ERCC5: variants seen among roughly 807,000 people sequenced by gnomAD.
The protein encoded by ERCC5 is ERCC excision repair 5, endonuclease, also known as DNA excision repair protein ERCC-5.
ERCC5 carries 68 observed loss-of-function variants against 105.6 expected under a neutral mutation model. That is an observed-to-expected ratio of 0.64 (90% CI 0.53 to 0.79). The LOEUF (loss-of-function observed/expected upper bound fraction) is 0.79, where lower values mean the gene tolerates loss of function less well. Ranked by LOEUF, ERCC5 falls within the 30% of genes least tolerant of loss-of-function variation. The pLI is 0.00. For missense variants in ERCC5, 1,373 were observed against 1,426.7 expected, an observed-to-expected ratio of 0.96 and a Z score of 0.61; for synonymous variants, 546 against 526.2, an observed-to-expected ratio of 1.04 and a Z score of -0.51.
In ERCC5 at chr13:102,849,710, C is replaced by T. The variant is rs374784020; in HGVS notation, c.89-2408C>T. 4.6e-5 allele frequency among the ~76,000 whole-genome samples: 7 copies of T among 152,030 alleles called. No individual in the cohort carries two copies. The South Asian group carries it at 1.2e-3, about 27-fold the overall frequency. On this transcript the variant is annotated intron_variant, in intron 1 of 14. Coordinates refer to ENST00000652225, the MANE Select transcript of ERCC5 (RefSeq NM_000123.4). ...AAGGGAGTGCAGTGCACAAATTGCC[C>T]GGGCAAGCCATGGAGCACACAGGCT...
chr13:102,849,943 T>TC (rs1555325184), intron 1 of ERCC5, among the ~76,000 whole-genome samples: 6 of 151,064 alleles, frequency 4.0e-5, no homozygotes, highest in East Asian at 2.0e-4. Context: ...GTTTTTTTTT[T>TC]CTTTTTGTTT....
At chr13:102,863,889 C>T (rs1469733531) in intron 8 of ERCC5, among the ~76,000 whole-genome samples, 3 of 152,116 alleles carry the variant, frequency 2.0e-5, no homozygotes, top group African/African-American at 7.2e-5. Flanking sequence ...CAGCTTCACA[C>T]AGGTCACTAA....
At chr13:102,866,943 G>A (rs1277805163) in intron 11 of ERCC5, 98 bp downstream of exon 11, 3 of 1,342,268 alleles carry the variant, frequency 2.2e-6, no homozygotes, top group African/African-American at 2.9e-5. Context: ...ATGCATTGAT[G>A]GAAATTGCAG....
chr13:102,875,914 T>C lies in ERCC5; in HGVS notation c.*11T>C, dbSNP rs961592673. On this transcript the variant is annotated 3_prime_UTR_variant, in exon 15 of 15. Coordinates refer to ENST00000652225, the MANE Select transcript of ERCC5 (RefSeq NM_000123.4). ...AAAAGGAAAACCTAATTAAAAAATA[T>C]GTATCCTCTATAATTAGTTATGACA... is the stretch of plus-strand genomic sequence containing the variant. 2 of 1,601,680 alleles carry C rather than the reference T, an allele frequency of 1.2e-6. No homozygotes were observed. The highest frequency in any genetic ancestry group is 8.5e-7 in the Non-Finnish European group (1 of 1,179,216).
chr13:102,860,054 C>T (rs1882564953), intron 6 of ERCC5, among the ~76,000 whole-genome samples: 1 of 152,172 alleles, frequency 6.6e-6, no homozygotes, highest in Admixed American at 6.5e-5. Flanking sequence ...TGCTTCCTGC[C>T]TGTTAATCAC....
At chr13:102,853,247 C>T (rs1431358368) in intron 2 of ERCC5, among the ~76,000 whole-genome samples, 2 of 152,154 alleles carry the variant, frequency 1.3e-5, no homozygotes, top group Non-Finnish European at 2.9e-5. Flanking sequence ...ATCCGATATT[C>T]AGCCATAAGC....
At chr13:102,860,759 C>T (rs1882588520) in intron 6 of ERCC5, among the ~76,000 whole-genome samples, 1 of 151,980 alleles carries the variant, frequency 6.6e-6, no homozygotes, top group Non-Finnish European at 1.5e-5. Flanking sequence ...AGAAAAATGC[C>T]CTCCATGGGA....
intron 12 of ERCC5, among the ~76,000 whole-genome samples, chr13:102,871,571 A>G (rs1054812788): frequency 7.9e-5 from 12 of 151,732 alleles, no homozygotes; most frequent in African/African-American, 2.2e-4. Context: ...GTAGAGTTCT[A>G]TTATCTCTGT....
chr13:102,853,648 C>T (rs2140518653), intron 2 of ERCC5, 109 bp from the exon 3 acceptor site: 5 of 1,077,520 alleles, frequency 4.6e-6, no homozygotes, highest in African/African-American at 1.6e-5. Flanking sequence ...GCTAAAGCAG[C>T]CATAGTCTGA....
rs1378383413 is a variant in ERCC5, at chr13:102,875,882, G to A, written c.3540G>A (p.Arg1180=). 1.9e-6 allele frequency: 3 copies of A among 1,609,160 alleles called. No homozygotes were observed. In the African/African-American group the frequency reaches 4.0e-5, roughly 21 times the overall value. The change falls in exon 15 of 15, where the codon AGG becomes AGA. Residue 1180 remains arginine, a synonymous_variant. Transcript: ENST00000652225. ...AAAGAAGGAAACTAAGACGTGCGAG[G>A]GGAAGAAAAAGGAAAACCTAATTAA... ...GKKRRKLRRA[R]GRKRKT is the part of the protein sequence containing the mutation.
chr13:102,847,250 C>T (rs546695045), intron 1 of ERCC5, among the ~76,000 whole-genome samples: 1 of 150,484 alleles, frequency 6.6e-6, no homozygotes, highest in Admixed American at 6.6e-5. Flanking sequence ...ATTAGCAAAA[C>T]GTGATACTGC....
At chr13:102,856,671 G>A (rs1028583048) in intron 5 of ERCC5, among the ~76,000 whole-genome samples, 25 of 152,214 alleles carry the variant, frequency 1.6e-4, no homozygotes, top group African/African-American at 6.0e-4. Flanking sequence ...GTTCTCTCTG[G>A]GGTCTCTTGT....
At chr13:102,866,433 G>T (rs1168854768) in intron 10 of ERCC5, 52 bp downstream of exon 10, 2 of 1,613,694 alleles carry the variant, frequency 1.2e-6, no homozygotes, top group African/African-American at 1.3e-5. Context: ...GACCCCTGGG[G>T]GAATGCACTG....
intron 6 of ERCC5, among the ~76,000 whole-genome samples, chr13:102,860,986 ATTTTTTT>A (rs11361768): frequency 1.9e-5 from 2 of 107,392 alleles, no homozygotes; most frequent in Non-Finnish European, 4.0e-5. Context: ...AGTATTCATG[ATTTTTTT>A]TTTTTTTTTT....
In ERCC5 at chr13:102,862,220, A is replaced by G. The variant is rs1331255666; in HGVS notation, c.1071A>G (p.Ser357=). 1.9e-6 allele frequency: 3 copies of G among 1,614,184 alleles called. No individual in the cohort carries two copies. Among genetic ancestry groups the G allele is most frequent in the Non-Finnish European group, 2.5e-6 (3 of 1,180,034 alleles). Residue 357 remains serine, a synonymous_variant, in exon 8 of 15, where the codon TCA becomes TCG. Transcript: ENST00000652225. ...AAGCTGCCCTGCTGGGAAGTAGCTCAGAAGAGGAGCTGGAGAGTGAAAATC... is the reference window on the plus strand; with the variant it reads ...AAGCTGCCCTGCTGGGAAGTAGCTCGGAAGAGGAGCTGGAGAGTGAAAATC... ...AMQAALLGSS[S]EEELESENRR... is the part of the protein sequence containing the mutation.
At chr13:102,859,766 C>T (rs963126925) in intron 6 of ERCC5, among the ~76,000 whole-genome samples, 2 of 152,010 alleles carry the variant, frequency 1.3e-5, no homozygotes, top group African/African-American at 2.4e-5. Flanking sequence ...ATCTGTATGT[C>T]GTGCAAATGT....
chr13:102,856,213 ATAAAAAG>A, intron 5 of ERCC5, 101 bp downstream of exon 5: 12 of 1,281,806 alleles, frequency 9.4e-6, no homozygotes, highest in Admixed American at 1.8e-5. Flanking sequence ...AAAGTTCCTG[ATAAAAAG>A]TAAAGACAGA....
Position 102,875,676 on chromosome 13 carries a change from A to AAT in ERCC5, c.3335_3336dup (p.Val1113MetfsTer22), listed in dbSNP as rs768862231. On this transcript the variant is annotated frameshift_variant, in exon 15 of 15. Transcript: ENST00000652225. LOFTEE classifies it low-confidence loss of function (END_TRUNC). ...AGATGCTGAAAGTTCATCTTTAATGAATGTACAAAGGAGAACAGCTGCGAA... is the reference window on the plus strand; with the variant it reads ...AGATGCTGAAAGTTCATCTTTAATGAATATGTACAAAGGAGAACAGCTGCGAA... 90 of 1,614,064 alleles carry AAT rather than the reference A, an allele frequency of 5.6e-5. No individual in the cohort carries two copies. The highest frequency in any genetic ancestry group is 7.5e-5 in the Non-Finnish European group (89 of 1,180,008).
At chr13:102,858,727 C>T (rs1393900567) in intron 6 of ERCC5, among the ~76,000 whole-genome samples, 1 of 152,170 alleles carries the variant, frequency 6.6e-6, no homozygotes, top group Admixed American at 6.5e-5. Context: ...TTGCTCACCT[C>T]TGTATTTTCA....
Sources: allele counts gnomAD v4.1 joint callset (sites outside exome capture counted in the v4.1 genomes callset), GRCh38; gene constraint gnomAD v4.1.1; transcripts MANE v1.5; gene names NCBI Gene and HGNC (gene_info 2026-07-23, HGNC 2026-07-21).